The following SEPTIN9 variants were observed in gnomAD, a reference collection of about 807,000 sequenced individuals.
SEPTIN9 encodes septin 9, also known as septin-9.
SEPTIN9 carries 13 observed loss-of-function variants against 56.6 expected under a neutral mutation model. The observed-to-expected ratio is 0.23, with a 90% CI of 0.15 to 0.37. The LOEUF (loss-of-function observed/expected upper bound fraction) is 0.37. SEPTIN9 is among the 10% of genes least tolerant of loss of function. SEPTIN9 has a pLI of 1.00. For missense variants in SEPTIN9, 650 were observed against 823.1 expected (o/e 0.79, Z 2.57); for synonymous variants, 332 against 334.1 (o/e 0.99, Z 0.07).
intron 2 of SEPTIN9, among the ~76,000 whole-genome samples, chr17:77,325,694 G>A (rs934585939): frequency 5.1e-4 from 78 of 151,748 alleles, no homozygotes; most frequent in African/African-American, 1.8e-3. Context: ...CCCCTTGCTC[G>A]GCTCTCCCTC....
intron 10 of SEPTIN9, among the ~76,000 whole-genome samples, chr17:77,494,737 C>A (rs558601509): frequency 6.6e-6 from 1 of 152,090 alleles, no homozygotes; most frequent in Non-Finnish European, 1.5e-5. Context: ...CCAAGGGACC[C>A]AGAACGGGAG....
At chr17:77,382,897 C>G (rs1254119820) in intron 2 of SEPTIN9, among the ~76,000 whole-genome samples, 5 of 152,052 alleles carry the variant, frequency 3.3e-5, no homozygotes, top group African/African-American at 1.2e-4. Context: ...CTGGTTGCTG[C>G]TCTCAGACCC....
In SEPTIN9 at chr17:77,406,003, G is replaced by A. The variant is rs559389808; in HGVS notation, c.721+3300G>A. Among the ~76,000 whole-genome samples the A allele has an allele frequency of 5.9e-5, 9 of 152,348 alleles. No homozygotes were observed. The East Asian group carries it at 1.2e-3, about 20-fold the overall frequency. On this transcript the variant is annotated intron_variant, in intron 3 of 11. Coordinates refer to ENST00000427177, the MANE Select transcript of SEPTIN9 (RefSeq NM_001113491.2). ...GGAGTTCCGTGCCCTCTGAGCAGAC[G>A]CCCAGCCCCTTGGCTTCTGCCTGCG...
chr17:77,450,826 CCTT>C lies in SEPTIN9; in HGVS notation c.722-31315_722-31313del. On this transcript the variant is annotated intron_variant, in intron 3 of 11. Transcript: ENST00000427177. This position sits in a 1 kb window ranked among gnomAD's most constrained non-coding sequence, Gnocchi z 6.0. ...CATCCCCTGCCCCTCCTCTCCTGCT[CCTT>C]CTCCCTTCCATGGTCCCAGCCAGCA... 2 of 984,896 alleles carry C rather than the reference CCTT, an allele frequency of 2.0e-6. No individual in the cohort carries two copies. The highest frequency in any genetic ancestry group is 2.4e-6 in the Non-Finnish European group (2 of 829,366). The allele number at this position is 984,896 out of a possible 1,614,324, so 61.0% of individuals were successfully genotyped here.
chr17:77,471,777 T>C (rs1055886988), intron 3 of SEPTIN9, among the ~76,000 whole-genome samples: 3 of 152,238 alleles, frequency 2.0e-5, no homozygotes, highest in African/African-American at 7.2e-5. Context: ...CAGGCCACTG[T>C]GGACATGGCT....
Position 77,434,842 on chromosome 17 carries a change from G to A in SEPTIN9, c.721+32139G>A, listed in dbSNP as rs573660335. 4.6e-5 allele frequency among the ~76,000 whole-genome samples: 7 copies of A among 152,316 alleles called. No homozygotes were observed. In the South Asian group the frequency reaches 6.2e-4, roughly 14 times the overall value. Reference sequence around the variant, plus strand: ...CCTTAATTCAGGAGGGTAGCCAGTCGCTGGAACTAAGAGTGAACTTCAGCT... The same window carrying A: ...CCTTAATTCAGGAGGGTAGCCAGTCACTGGAACTAAGAGTGAACTTCAGCT... On this transcript the variant is annotated intron_variant, in intron 3 of 11. Coordinates refer to ENST00000427177, the MANE Select transcript of SEPTIN9 (RefSeq NM_001113491.2). The surrounding 1 kb of genome is among the most constrained non-coding windows in gnomAD (Gnocchi z 5.0).
chr17:77,372,403 T>C (rs1340652934), intron 2 of SEPTIN9, among the ~76,000 whole-genome samples: 1 of 151,148 alleles, frequency 6.6e-6, no homozygotes, highest in Non-Finnish European at 1.5e-5. Context: ...GTGGATGATA[T>C]AGTTTAAGGG....
intron 1 of SEPTIN9, among the ~76,000 whole-genome samples, chr17:77,306,162 T>C (rs1182130607): frequency 6.6e-6 from 1 of 152,010 alleles, no homozygotes; most frequent in Non-Finnish European, 1.5e-5. Context: ...GCAAGAGCCT[T>C]TCTGGAGGGT....
chr17:77,402,803 G>A lies in SEPTIN9; in HGVS notation c.721+100G>A. ...GGAGGAAGAAGCTGGATATGGGGTG[G>A]AGGGTGCTACCCTGGAGACCCAGAA... On this transcript the variant is annotated intron_variant, in intron 3 of 11. Coordinates refer to ENST00000427177, the MANE Select transcript of SEPTIN9 (RefSeq NM_001113491.2). This position sits in a 1 kb window ranked among gnomAD's most constrained non-coding sequence, Gnocchi z 6.6. 1 of 1,288,232 alleles carries A rather than the reference G, an allele frequency of 7.8e-7. No individual in the cohort carries two copies. The allele number at this position is 1,288,232 out of a possible 1,614,324, so 79.8% of individuals were successfully genotyped here. A position where few individuals can be genotyped will look rare whatever the true frequency, so the allele number is the denominator to read the frequency against.
At chr17:77,422,369 T>G (rs189588660) in intron 3 of SEPTIN9, among the ~76,000 whole-genome samples, 471 of 152,342 alleles carry the variant, frequency 3.1e-3, no homozygotes, top group African/African-American at 0.011. Context: ...GCCAGGACAG[T>G]AGCAGTGGCT....
At chr17:77,418,132 A>G (rs769249340) in intron 3 of SEPTIN9, among the ~76,000 whole-genome samples, 1 of 152,164 alleles carries the variant, frequency 6.6e-6, no homozygotes, top group African/African-American at 2.4e-5. Flanking sequence ...CTGAGAGACC[A>G]TCAAACTGAG....
Position 77,437,588 on chromosome 17 carries a change from T to C in SEPTIN9, c.721+34885T>C, listed in dbSNP as rs1598374793. Among the ~76,000 whole-genome samples the C allele has an allele frequency of 6.6e-6, 1 of 152,058 alleles. No homozygotes were observed. Among genetic ancestry groups the C allele is most frequent in the South Asian group, 2.1e-4 (1 of 4,826 alleles). On this transcript the variant is annotated intron_variant, in intron 3 of 11. Coordinates refer to ENST00000427177, the MANE Select transcript of SEPTIN9 (RefSeq NM_001113491.2). The surrounding 1 kb of genome is among the most constrained non-coding windows in gnomAD (Gnocchi z 5.3). The stretch of plus-strand genomic sequence containing the variant: ...CCAGGTGAGGGCTTGTCGACTGCTC[T>C]GACCTCCTGATGCTTCTGGTGGGGA...
chr17:77,336,427 A>G (rs2033556348), intron 2 of SEPTIN9, among the ~76,000 whole-genome samples: 1 of 152,188 alleles, frequency 6.6e-6, no homozygotes, highest in African/African-American at 2.4e-5. Context: ...AAAAATCTCT[A>G]CAGAATTACA....
chr17:77,410,656 G>A (rs1302744927), intron 3 of SEPTIN9, among the ~76,000 whole-genome samples: 1 of 152,220 alleles, frequency 6.6e-6, no homozygotes. Flanking sequence ...TGTGCAGCGT[G>A]GTTAGAGTGG....
intron 3 of SEPTIN9, among the ~76,000 whole-genome samples, chr17:77,404,784 T>C (rs1568042537): frequency 6.6e-6 from 1 of 152,184 alleles, no homozygotes; most frequent in Non-Finnish European, 1.5e-5. Context: ...GGAAGGTCCT[T>C]TCCGGCCCTC....
chr17:77,309,870 T>C (rs8082322), intron 2 of SEPTIN9, among the ~76,000 whole-genome samples: 132,618 of 152,234 alleles, frequency 0.87, 57,870 homozygotes, highest in East Asian at 0.99. Flanking sequence ...CTGGGTGACC[T>C]TCTCCATCCT....
In SEPTIN9 at chr17:77,449,898, G is replaced by A. The variant is rs2037900188; in HGVS notation, c.722-32246G>A. On this transcript the variant is annotated intron_variant, in intron 3 of 11. Transcript: ENST00000427177. This position sits in a 1 kb window ranked among gnomAD's most constrained non-coding sequence, Gnocchi z 4.6. ...TGTTGGTGGTGCCCATTTTATGGAT[G>A]GGGAAGGTCAAATTCCACAGATATT... 6.6e-6 allele frequency among the ~76,000 whole-genome samples: 1 copy of A among 152,210 alleles called. No homozygotes were observed. The highest frequency in any genetic ancestry group is 6.5e-5 in the Admixed American group (1 of 15,286).
chr17:77,423,819 A>C (rs2036792774), intron 3 of SEPTIN9, among the ~76,000 whole-genome samples: 1 of 152,218 alleles, frequency 6.6e-6, no homozygotes, highest in Non-Finnish European at 1.5e-5. Flanking sequence ...TGGGGGTTGC[A>C]GAGTAGGGGA....
At chr17:77,397,712 C>A (rs752599881) in intron 2 of SEPTIN9, among the ~76,000 whole-genome samples, 1 of 151,986 alleles carries the variant, frequency 6.6e-6, no homozygotes, top group Non-Finnish European at 1.5e-5. Context: ...TACTGTGGCA[C>A]GATCTGGGCT....
Sources: allele counts gnomAD v4.1 joint callset (sites outside exome capture counted in the v4.1 genomes callset), GRCh38; gene constraint gnomAD v4.1.1; non-coding constraint Gnocchi (gnomAD v3.1); transcripts MANE v1.5; gene names NCBI Gene and HGNC (gene_info 2026-07-23, HGNC 2026-07-21).